TRDN: variants seen among roughly 807,000 people sequenced by gnomAD.
The protein encoded by TRDN is triadin in skeletal muscle.
Under a neutral mutation model 149.7 loss-of-function variants are expected in TRDN, and 161 were observed. That is an observed-to-expected ratio of 1.08 (90% CI 0.95 to 1.23). The LOEUF (loss-of-function observed/expected upper bound fraction) is 1.23. Ranked by LOEUF, TRDN falls within the 50% of genes most tolerant of loss-of-function variation. The pLI is 0.00. For missense variants in TRDN, 896 were observed against 823.5 expected (o/e 1.09, Z -1.08); for synonymous variants, 294 against 250.5 (o/e 1.17, Z -1.64).
chr6:123,329,847 G>A (rs1337384636), intron 23 of TRDN, among the ~76,000 whole-genome samples: 1 of 151,946 alleles, frequency 6.6e-6, no homozygotes, highest in Non-Finnish European at 1.5e-5. Context: ...AATTATTCTG[G>A]TGATTACATT....
At chr6:123,245,626 C>A (rs891263555) in intron 38 of TRDN, among the ~76,000 whole-genome samples, 2 of 152,092 alleles carry the variant, frequency 1.3e-5, no homozygotes, top group Non-Finnish European at 2.9e-5. Context: ...GACTTAGACA[C>A]CCACACAATA....
chr6:123,332,073 T>TATA lies in TRDN; in HGVS notation c.1421-147_1421-145dup, dbSNP rs571908007. ...TGCACTTTAAAAATGGTTTTACTCA[T>TATA]ATAGGGACAAAGAAACAACAGTATA... On this transcript the variant is annotated intron_variant, in intron 22 of 40. Coordinates refer to ENST00000334268, the MANE Select transcript of TRDN (RefSeq NM_006073.4). The TATA allele has an allele frequency of 1.1e-3, 645 of 590,124 alleles. 4 individuals carry two copies. Among genetic ancestry groups the TATA allele is most frequent in the African/African-American group, 0.011 (579 of 53,198 alleles). 36.6% of individuals were successfully genotyped at this position (590,124 alleles called of 1,614,324 possible). A position where few individuals can be genotyped will look rare whatever the true frequency, so the allele number is the denominator to read the frequency against.
intron 22 of TRDN, 36 bp from the exon 23 acceptor site, chr6:123,331,965 G>C (rs1779675365): frequency 6.8e-7 from 1 of 1,479,828 alleles, no homozygotes; most frequent in East Asian, 2.4e-5. Flanking sequence ...TTGAAGCCAA[G>C]ACAAAGAGAT....
At chr6:123,428,010 A>C (rs75824107) in intron 12 of TRDN, among the ~76,000 whole-genome samples, 2,970 of 152,258 alleles carry the variant, frequency 0.02, 102 homozygotes, top group African/African-American at 0.067. Context: ...TTCTCTAAAT[A>C]AAAATAAAGA....
chr6:123,243,305 C>G (rs1776057393), intron 38 of TRDN, among the ~76,000 whole-genome samples: 1 of 152,110 alleles, frequency 6.6e-6, no homozygotes, highest in Non-Finnish European at 1.5e-5. Flanking sequence ...CATTTTCACA[C>G]AGCCAAAATC....
intron 9 of TRDN, chr6:123,470,174 A>G (rs1777075029): frequency 6.6e-6 from 1 of 151,928 alleles, no homozygotes; most frequent in Non-Finnish European, 1.5e-5. Context: ...TTTTATTAGT[A>G]TGTATTTCTT....
At chr6:123,417,840 CA>C (rs1264752995) in intron 12 of TRDN, among the ~76,000 whole-genome samples, 7 of 152,156 alleles carry the variant, frequency 4.6e-5, no homozygotes, top group African/African-American at 1.7e-4. Flanking sequence ...GCCAAAGGAG[CA>C]CTTTCCTTCT....
chr6:123,621,405 T>G (rs540168561), intron 1 of TRDN, among the ~76,000 whole-genome samples: 1 of 152,146 alleles, frequency 6.6e-6, no homozygotes, highest in African/African-American at 2.4e-5. Flanking sequence ...TTCTTCATGC[T>G]GAATTCAACT....
intron 19 of TRDN, among the ~76,000 whole-genome samples, chr6:123,372,154 G>C (rs2114381865): frequency 6.6e-6 from 1 of 152,016 alleles, no homozygotes; most frequent in East Asian, 1.9e-4. Flanking sequence ...TTCCATGCCA[G>C]AGTATTTAAA....
rs9490719 is a variant in TRDN at position 123,273,696 on chromosome 6, G to T, written c.1598-333C>A. ...ACTATATTCAAGCTTATGATCAGTT[G>T]CCAGGTAAGTTCTGGTGAGAATTCA... On this transcript the variant is annotated intron_variant, in intron 27 of 40. Coordinates refer to ENST00000334268, the MANE Select transcript of TRDN (RefSeq NM_006073.4). Among the ~76,000 whole-genome samples, 1,167 of 152,124 alleles carry T rather than the reference G, an allele frequency of 7.7e-3. 14 individuals carry two copies. The highest frequency in any genetic ancestry group is 0.027 in the African/African-American group (1,114 of 41,522).
chr6:123,516,313 CTTTCTT>C, intron 5 of TRDN, 107 bp from the exon 6 acceptor site: 1 of 1,236,648 alleles, frequency 8.1e-7, no homozygotes, highest in Non-Finnish European at 1.0e-6. Flanking sequence ...TTTTAGAAAT[CTTTCTT>C]TAACTGGATT....
At chr6:123,506,789 C>T (rs1778945150) in intron 7 of TRDN, among the ~76,000 whole-genome samples, 1 of 151,836 alleles carries the variant, frequency 6.6e-6, no homozygotes, top group Non-Finnish European at 1.5e-5. Context: ...AATTCACATG[C>T]AAAAAAATGG....
At chr6:123,547,600 A>G (rs1781179246) in intron 3 of TRDN, among the ~76,000 whole-genome samples, 1 of 151,984 alleles carries the variant, frequency 6.6e-6, no homozygotes, top group Non-Finnish European at 1.5e-5. Context: ...TGTGGCAGTG[A>G]TCCAAATTAT....
At chr6:123,250,890 T>A (rs1776348661) in intron 38 of TRDN, among the ~76,000 whole-genome samples, 1 of 152,130 alleles carries the variant, frequency 6.6e-6, no homozygotes, top group East Asian at 1.9e-4. Flanking sequence ...CGAAATGTGC[T>A]TACTTCCCAC....
At chr6:123,223,684 C>CCTTCCTTCCTTA (rs1775239521) in intron 39 of TRDN, among the ~76,000 whole-genome samples, 3 of 123,792 alleles carry the variant, frequency 2.4e-5, no homozygotes, top group African/African-American at 1.3e-4. Context: ...TTCCTTCCTT[C>CCTTCCTTCCTTA]CTTCCTTCCT....
At chr6:123,278,627 A>G (rs1384335177) in intron 25 of TRDN, among the ~76,000 whole-genome samples, 1 of 152,142 alleles carries the variant, frequency 6.6e-6, no homozygotes, top group Non-Finnish European at 1.5e-5. Flanking sequence ...AAGGCCAGCC[A>G]GGTGTGTTGG....
At chr6:123,303,963 A>C (rs1308462770) in intron 24 of TRDN, among the ~76,000 whole-genome samples, 1 of 152,120 alleles carries the variant, frequency 6.6e-6, no homozygotes, top group Non-Finnish European at 1.5e-5. Context: ...GGAGAGAATA[A>C]ATTTGGGAGA....
chr6:123,479,806 G>T (rs1272563354), intron 9 of TRDN, among the ~76,000 whole-genome samples: 1 of 152,006 alleles, frequency 6.6e-6, no homozygotes, highest in Non-Finnish European at 1.5e-5. Flanking sequence ...GCCATATTAT[G>T]TTTCAGAATT....
chr6:123,343,251 C>A (rs944395574), intron 21 of TRDN, among the ~76,000 whole-genome samples: 1 of 151,680 alleles, frequency 6.6e-6, no homozygotes, highest in Non-Finnish European at 1.5e-5. Context: ...ACTTTTATGC[C>A]CATTTATTTT....
Sources: gnomAD v4.1 joint callset for allele counts (sites outside exome capture counted in the v4.1 genomes callset) on GRCh38, gnomAD v4.1.1 for gene constraint, MANE v1.5 for transcripts, NCBI Gene and HGNC (gene_info 2026-07-23, HGNC 2026-07-21) for gene names.